Variants in GGH observed in about 807,000 individuals in gnomAD.
GGH encodes gamma-Glu-X carboxypeptidase.
In GGH, 18 loss-of-function variants were observed where a neutral mutation model predicts 39.2. That is an observed-to-expected ratio of 0.46 (90% CI 0.32 to 0.68). GGH has a LOEUF of 0.68. Ranked by LOEUF, GGH falls within the 30% of genes least tolerant of loss-of-function variation. The pLI, the probability that GGH is intolerant of heterozygous loss-of-function variation, is 0.04. For synonymous variants in GGH, 147 were observed against 138.8 expected (o/e 1.06, Z -0.42); for missense variants, 367 against 384.1 (o/e 0.96, Z 0.37).
At chr8:63,022,914 TTAAAA>T (rs1211432811) in intron 7 of GGH, among the ~76,000 whole-genome samples, 12 of 152,220 alleles carry the variant, frequency 7.9e-5, no homozygotes, top group African/African-American at 2.9e-4. Flanking sequence ...TCTTTAAAAC[TTAAAA>T]TATATTATAC....
intron 7 of GGH, among the ~76,000 whole-genome samples, chr8:63,022,338 C>T (rs72658363): frequency 0.018 from 2,803 of 152,012 alleles, 45 homozygotes; most frequent in Non-Finnish European, 0.025. Flanking sequence ...TTTTCCCATT[C>T]CTTCTAGAGT....
Position 63,038,805 on chromosome 8 carries a change from G to A in GGH, c.-37C>T, listed in dbSNP as rs1215016847. 7.7e-7 allele frequency: 1 copy of A among 1,304,268 alleles called. No individual in the cohort carries two copies. Among genetic ancestry groups the A allele is most frequent in the South Asian group, 1.4e-5 (1 of 70,408 alleles). The allele number at this position is 1,304,268 out of a possible 1,614,324, so 80.8% of individuals were successfully genotyped here. A position where few individuals can be genotyped will look rare whatever the true frequency, so the allele number is the denominator to read the frequency against. ...CCTCCCGCCGCCTTTCAAAAGCTCT[G>A]CGGGCGGGCGGGGGCTGCGGCAGGG... On this transcript the variant is annotated 5_prime_UTR_variant, in exon 1 of 9. Transcript: ENST00000260118.
chr8:63,026,536 G>GACCTTACT (rs1804687062), intron 4 of GGH, among the ~76,000 whole-genome samples: 1 of 152,170 alleles, frequency 6.6e-6, no homozygotes, highest in Non-Finnish European at 1.5e-5. Flanking sequence ...AAAGCCTATA[G>GACCTTACT]ATTACTGACC....
intron 3 of GGH, 95 bp downstream of exon 3, chr8:63,030,072 A>G (rs545827846): frequency 6.7e-5 from 44 of 652,810 alleles, no homozygotes; most frequent in Middle Eastern, 2.6e-4. Context: ...AGACAGTTAC[A>G]TAGAAACATG....
intron 2 of GGH, among the ~76,000 whole-genome samples, chr8:63,031,603 A>C (rs1411834832): frequency 6.6e-6 from 1 of 152,222 alleles, no homozygotes; most frequent in East Asian, 1.9e-4. Context: ...CCTGCCAGCT[A>C]GCGGTGCAAG....
chr8:63,036,772 T>C (rs1259920482), intron 1 of GGH, among the ~76,000 whole-genome samples: 1 of 152,176 alleles, frequency 6.6e-6, no homozygotes, highest in African/African-American at 2.4e-5. Context: ...CCTGTCACGT[T>C]GCAAGGAATC....
rs10671033 is a variant in GGH, at chr8:63,033,983, T to TTATATATA, written c.224+1665_224+1672dup. Among the ~76,000 whole-genome samples the TTATATATA allele has an allele frequency of 3.1e-3, 446 of 143,228 alleles. 4 individuals carry two copies. The highest frequency in any genetic ancestry group is 0.01 in the East Asian group (50 of 4,978). 94.0% of individuals were successfully genotyped at this position (143,228 alleles called of 152,430 possible). Reference sequence around the variant, plus strand: ...TGGCTGCTCTGCCTTTTGTCTCTCCTTATATATATATATATATGTCTCTCC... The same window carrying TTATATATA: ...TGGCTGCTCTGCCTTTTGTCTCTCCTTATATATATATATATATATATATATGTCTCTCC... On this transcript the variant is annotated intron_variant, in intron 2 of 8. Transcript: ENST00000260118.
intron 8 of GGH, 34 bp downstream of exon 8, chr8:63,017,459 C>A: frequency 2.6e-6 from 4 of 1,518,860 alleles, no homozygotes; most frequent in African/African-American, 1.4e-5. Flanking sequence ...TCAAAACTAC[C>A]CCAGAATAAC....
intron 7 of GGH, among the ~76,000 whole-genome samples, chr8:63,021,073 C>A (rs1236521385): frequency 6.6e-6 from 1 of 152,206 alleles, no homozygotes; most frequent in East Asian, 1.9e-4. Context: ...TTATTCATCA[C>A]CCCAACCTTT....
At chr8:63,035,605 G>A (rs925455734) in intron 2 of GGH, 51 bp downstream of exon 2, 3 of 1,568,646 alleles carry the variant, frequency 1.9e-6, no homozygotes, top group Non-Finnish European at 2.6e-6. Context: ...GCACCCGTAC[G>A]CAGCAATTTT....
chr8:63,038,735 C>A lies in GGH; in HGVS notation c.34G>T (p.Gly12Cys). 1 of 1,581,842 alleles carries A rather than the reference C, an allele frequency of 6.3e-7. No individual in the cohort carries two copies. Among genetic ancestry groups the A allele is most frequent in the Admixed American group, 1.7e-5 (1 of 57,496 alleles). Residue 12 changes from glycine (G) to cysteine (C), a missense_variant, in exon 1 of 9, where the codon GGC (glycine) becomes TGC (cysteine). By Grantham distance (159) the Gly-to-Cys change is radical. Coordinates refer to ENST00000260118, the MANE Select transcript of GGH (RefSeq NM_003878.3). Reference sequence around the variant, plus strand: ...CTCGCCGCCCCGCAGAGTAGCAGGCCCAGCACGCACAGCAGGCAGCCCGGA... The same window carrying A: ...CTCGCCGCCCCGCAGAGTAGCAGGCACAGCACGCACAGCAGGCAGCCCGGA... ...ASPGCLLCVL[G>C]LLLCGAASLE...
chr8:63,037,270 C>G (rs1305785394), intron 1 of GGH, among the ~76,000 whole-genome samples: 1 of 152,006 alleles, frequency 6.6e-6, no homozygotes, highest in African/African-American at 2.4e-5. Flanking sequence ...GGCTAGGGAA[C>G]GAAGAACTAG....
chr8:63,038,759 GA>G lies in GGH; in HGVS notation c.9del (p.Pro4ArgfsTer36). On this transcript the variant is annotated frameshift_variant, in exon 1 of 9. Transcript: ENST00000260118. LOFTEE classifies it high-confidence loss of function. Reference protein sequence around the residue: MASPGCLLCVLGL... With the variant: MAXPGCLLCVLGL... ...CCCAGCACGCACAGCAGGCAGCCCG[GA>G]CTGGCCATGGCGCTCGCCGCCTCCC... 6.4e-7 allele frequency: 1 copy of G among 1,558,548 alleles called. No individual in the cohort carries two copies. Among genetic ancestry groups the G allele is most frequent in the South Asian group, 1.2e-5 (1 of 84,900 alleles).
intron 7 of GGH, among the ~76,000 whole-genome samples, chr8:63,020,329 C>A (rs1010873003): frequency 6.6e-6 from 1 of 152,148 alleles, no homozygotes; most frequent in African/African-American, 2.4e-5. Context: ...GCAGAACCAA[C>A]ATGGAACCTG....
chr8:63,028,858 G>A (rs1348393784), intron 3 of GGH, among the ~76,000 whole-genome samples: 1 of 152,136 alleles, frequency 6.6e-6, no homozygotes, highest in African/African-American at 2.4e-5. Flanking sequence ...AATGCAACTG[G>A]GGAGAGGGTG....
At chr8:63,029,888 G>C (rs1804770837) in intron 3 of GGH, 1 of 245,120 alleles carries the variant, frequency 4.1e-6, no homozygotes, top group Non-Finnish European at 7.7e-6. Flanking sequence ...AAACATTTAA[G>C]ACAAGCATTA....
rs746110197 is a variant in GGH at position 63,038,660 on chromosome 8, C to T, written c.109G>A (p.Gly37Arg). The T allele has an allele frequency of 1.3e-6, 2 of 1,506,992 alleles. No individual in the cohort carries two copies. The highest frequency in any genetic ancestry group is 9.0e-7 in the Non-Finnish European group (1 of 1,112,480). 93.4% of individuals were successfully genotyped at this position (1,506,992 alleles called of 1,614,324 possible). The stretch of plus-strand genomic sequence containing the variant: ...CTGCGGCCCCGCACAGCCTCCTTAC[C>T]GATGATGGGCTTCTTGGCGGTGTCG... ...HGDTAKKPII[G>R]ILMQKCRNKV... is the part of the protein sequence containing the mutation. The change falls in exon 1 of 9, where the codon GGA becomes AGA. Residue 37 changes from glycine to arginine, a missense_variant and splice_region_variant. By Grantham distance (125) the Gly-to-Arg change is moderately radical (BLOSUM62 -2). Transcript: ENST00000260118.
At chr8:63,020,135 G>A (rs1448999401) in intron 7 of GGH, among the ~76,000 whole-genome samples, 1 of 152,046 alleles carries the variant, frequency 6.6e-6, no homozygotes, top group Non-Finnish European at 1.5e-5. Flanking sequence ...CTCTTCTTTA[G>A]TAAACTGCAT....
chr8:63,019,197 G>C (rs971165706), intron 7 of GGH, among the ~76,000 whole-genome samples: 3 of 152,200 alleles, frequency 2.0e-5, no homozygotes, highest in Non-Finnish European at 4.4e-5. Flanking sequence ...GAAGCCCTCA[G>C]GGCAGACTAT....
Sources: gnomAD v4.1 joint callset for allele counts (sites outside exome capture counted in the v4.1 genomes callset) on GRCh38, gnomAD v4.1.1 for gene constraint, MANE v1.5 for transcripts, NCBI Gene and HGNC (gene_info 2026-07-23, HGNC 2026-07-21) for gene names.